The following CFLAR variants were observed in gnomAD, a reference collection of about 807,000 sequenced individuals.
The protein encoded by CFLAR is CASP8 and FADD-like apoptosis regulator.
A neutral mutation model predicts 51.1 loss-of-function variants in CFLAR; 14 were observed. The observed-to-expected ratio is 0.27, with a 90% CI of 0.18 to 0.43. The LOEUF (loss-of-function observed/expected upper bound fraction) is 0.43, where lower values mean the gene tolerates loss of function less well. Among genes scored for constraint, CFLAR ranks in the 20% least tolerant of loss-of-function variants. The pLI is 1.00. For synonymous variants in CFLAR, 210 were observed against 211.6 expected, an observed-to-expected ratio of 0.99 and a Z score of 0.06; for missense variants, 390 against 566.5, an observed-to-expected ratio of 0.69 and a Z score of 3.16.
chr2:201,132,824 G>A (rs573004099), intron 2 of CFLAR: 9 of 417,916 alleles, frequency 2.2e-5, no homozygotes, highest in Admixed American at 8.1e-5. Flanking sequence ...CCTATTAAAC[G>A]GGCAAGGACA....
chr2:201,146,911 A>G (rs1044075193), intron 6 of CFLAR, among the ~76,000 whole-genome samples: 9 of 152,216 alleles, frequency 5.9e-5, no homozygotes, highest in East Asian at 1.9e-4. Context: ...CATGTCTGTC[A>G]TTCTCTACCT....
At chr2:201,158,809 G>A (rs1199794116) in intron 8 of CFLAR, among the ~76,000 whole-genome samples, 2 of 151,564 alleles carry the variant, frequency 1.3e-5, no homozygotes, top group African/African-American at 4.8e-5. Context: ...TTACAGTCCT[G>A]ATAACAGCTA....
At chr2:201,151,727 A>C (rs893574242) in intron 8 of CFLAR, among the ~76,000 whole-genome samples, 3 of 144,786 alleles carry the variant, frequency 2.1e-5, no homozygotes, top group African/African-American at 8.0e-5. Context: ...GAGAATCATA[A>C]AAAAAAAAAA....
At chr2:201,147,233 G>T (rs1042987975) in intron 6 of CFLAR, among the ~76,000 whole-genome samples, 1 of 152,012 alleles carries the variant, frequency 6.6e-6, no homozygotes, top group African/African-American at 2.4e-5. Context: ...GCTAATAAAA[G>T]AAAAAGGTTT....
chr2:201,126,334 G>A (rs1042549420), intron 1 of CFLAR, among the ~76,000 whole-genome samples: 1 of 152,156 alleles, frequency 6.6e-6, no homozygotes, highest in African/African-American at 2.4e-5. Context: ...GGCTTTGGGC[G>A]TTATCAATCT....
In CFLAR at chr2:201,138,829, C is replaced by T. The variant is rs1446991656; in HGVS notation, c.524-1528C>T. 1.1e-5 allele frequency: 8 copies of T among 740,480 alleles called. 1 individual carries two copies. Among genetic ancestry groups the T allele is most frequent in the South Asian group, 5.4e-5 (4 of 74,324 alleles). The allele number at this position is 740,480 out of a possible 1,614,324, so 45.9% of individuals were successfully genotyped here. On this transcript the variant is annotated intron_variant, in intron 4 of 9. Coordinates refer to ENST00000309955, the MANE Select transcript of CFLAR (RefSeq NM_003879.7). The surrounding 1 kb of genome is among the most constrained non-coding windows in gnomAD (Gnocchi z 4.0). ...ATCAGAGCCATCACGATGGCCAGGT[C>T]GGCCTCTGTCACAGTGTCCATGGGG...
chr2:201,145,130 G>A (rs909823155), intron 5 of CFLAR, among the ~76,000 whole-genome samples: 1 of 152,186 alleles, frequency 6.6e-6, no homozygotes, highest in African/African-American at 2.4e-5. Flanking sequence ...TGGGATTACA[G>A]GTGTCAGCCA....
rs182188406 is a variant in CFLAR at position 201,162,023 on chromosome 2, C to T, written c.1304+1081C>T. Among the ~76,000 whole-genome samples, 505 of 152,214 alleles carry T rather than the reference C, an allele frequency of 3.3e-3. 2 individuals carry two copies. Among genetic ancestry groups the T allele is most frequent in the African/African-American group, 0.011 (461 of 41,528 alleles). On this transcript the variant is annotated intron_variant, in intron 9 of 9. Coordinates refer to ENST00000309955, the MANE Select transcript of CFLAR (RefSeq NM_003879.7). ...TCGGCCTGCCAAAGTGCTGGGATTA[C>T]AGGCATGAGCCACCATGCTCAGCCA...
At chr2:201,127,087 C>T (rs1037518348) in intron 1 of CFLAR, among the ~76,000 whole-genome samples, 2 of 146,064 alleles carry the variant, frequency 1.4e-5, no homozygotes, top group African/African-American at 5.2e-5. Context: ...CTAGAAAACA[C>T]ACACAGGTGC....
At position 201,138,265 on chromosome 2, in the gene CFLAR, T is replaced by C. The variant is rs2125733231; in HGVS notation, c.524-2092T>C. 1.2e-6 allele frequency: 1 copy of C among 814,534 alleles called. No homozygotes were observed. The highest frequency in any genetic ancestry group is 2.2e-6 in the Non-Finnish European group (1 of 454,966). The allele number at this position is 814,534 out of a possible 1,614,324, so 50.5% of individuals were successfully genotyped here. ...AGTCCAAGCCTATGACATTGACGCCTACCTGGGTGAGCAGGTCCAGGTGGT... is the reference window on the plus strand; with the variant it reads ...AGTCCAAGCCTATGACATTGACGCCCACCTGGGTGAGCAGGTCCAGGTGGT... On this transcript the variant is annotated intron_variant, in intron 4 of 9. Coordinates refer to ENST00000309955, the MANE Select transcript of CFLAR (RefSeq NM_003879.7). This position sits in a 1 kb window ranked among gnomAD's most constrained non-coding sequence, Gnocchi z 4.0.
At chr2:201,151,482 A>T (rs1342515510) in intron 8 of CFLAR, among the ~76,000 whole-genome samples, 2 of 152,220 alleles carry the variant, frequency 1.3e-5, no homozygotes, top group Non-Finnish European at 2.9e-5. Context: ...CAAATATAAT[A>T]CTAAATTTTC....
At chr2:201,156,047 C>A (rs1942125744) in intron 8 of CFLAR, among the ~76,000 whole-genome samples, 1 of 152,194 alleles carries the variant, frequency 6.6e-6, no homozygotes, top group Non-Finnish European at 1.5e-5. Flanking sequence ...CCATGAGCCA[C>A]CACGTAATCT....
Position 201,169,214 on chromosome 2 carries a change from C to T in CFLAR, c.*5241C>T, listed in dbSNP as rs1012567376. ...TCACACTACCCAACTTCAAAGTATA[C>T]TGCAAGGCTACAGTAGCCAAAATGG... is the stretch of plus-strand genomic sequence containing the variant. On this transcript the variant is annotated 3_prime_UTR_variant, in exon 10 of 10. Transcript: ENST00000309955. The T allele has an allele frequency of 6.6e-6, 1 of 152,158 alleles. No homozygotes were observed. The highest frequency in any genetic ancestry group is 2.4e-5 in the African/African-American group (1 of 41,436). The allele number at this position is 152,158 out of a possible 1,614,324, so 9.4% of individuals were successfully genotyped here.
chr2:201,139,541 CTGA>C (rs1368403213), intron 4 of CFLAR: 1 of 154,006 alleles, frequency 6.5e-6, no homozygotes, highest in African/African-American at 2.4e-5. Flanking sequence ...GGTGTAAAAC[CTGA>C]TTGTATGTTC....
chr2:201,162,291 A>G (rs1008762713), intron 9 of CFLAR, among the ~76,000 whole-genome samples: 1 of 150,736 alleles, frequency 6.6e-6, no homozygotes, highest in Non-Finnish European at 1.5e-5. Flanking sequence ...TTTAGTAGAG[A>G]TGGGGTTTCA....
In CFLAR at chr2:201,164,577, A is replaced by T. The variant is rs1007339717; in HGVS notation, c.*604A>T. 6.6e-6 allele frequency: 1 copy of T among 152,226 alleles called. No homozygotes were observed. Among genetic ancestry groups the T allele is most frequent in the Non-Finnish European group, 1.5e-5 (1 of 68,044 alleles). The allele number at this position is 152,226 out of a possible 1,614,324, so 9.4% of individuals were successfully genotyped here. On this transcript the variant is annotated 3_prime_UTR_variant, in exon 10 of 10. Coordinates refer to ENST00000309955, the MANE Select transcript of CFLAR (RefSeq NM_003879.7). ...GTCTTTCCATGTTTTGCCTGCTTTT[A>T]TTCTGGCAGTGCTGGCAGCTGATTA...
In CFLAR at chr2:201,138,739, C is replaced by T; in HGVS notation, c.524-1618C>T. The T allele has an allele frequency of 1.3e-6, 1 of 777,676 alleles. No individual in the cohort carries two copies. The highest frequency in any genetic ancestry group is 2.3e-6 in the Non-Finnish European group (1 of 427,186). The allele number at this position is 777,676 out of a possible 1,614,324, so 48.2% of individuals were successfully genotyped here. ...ATAAAGCCCGGTTCAAACTTCTTGA[C>T]CTTCTGCACCTCACTGGCCTGGAAC... On this transcript the variant is annotated intron_variant, in intron 4 of 9. Transcript: ENST00000309955. This position sits in a 1 kb window ranked among gnomAD's most constrained non-coding sequence, Gnocchi z 4.0.
rs183940268 is a variant in CFLAR, at chr2:201,166,525, G to A, written c.*2552G>A. On this transcript the variant is annotated 3_prime_UTR_variant, in exon 10 of 10. Transcript: ENST00000309955. ...GCTCCCCACATCTCAGACGATGGGC[G>A]GCCGGGCAGAGACGCTCCTCACTTC... 9.3e-5 allele frequency: 17 copies of A among 183,538 alleles called. No individual in the cohort carries two copies. Among genetic ancestry groups the A allele is most frequent in the Non-Finnish European group, 2.0e-4 (17 of 86,500 alleles). 11.4% of individuals were successfully genotyped at this position (183,538 alleles called of 1,614,324 possible). A position where few individuals can be genotyped will look rare whatever the true frequency, so the allele number is the denominator to read the frequency against.
chr2:201,153,826 G>C (rs2125883168), intron 8 of CFLAR, among the ~76,000 whole-genome samples: 1 of 151,632 alleles, frequency 6.6e-6, no homozygotes, highest in South Asian at 2.1e-4. Flanking sequence ...CCATAATATA[G>C]GTACTATTCT....
Sources: allele counts gnomAD v4.1 joint callset (sites outside exome capture counted in the v4.1 genomes callset), GRCh38; gene constraint gnomAD v4.1.1; non-coding constraint Gnocchi (gnomAD v3.1); transcripts MANE v1.5; gene names NCBI Gene and HGNC (gene_info 2026-07-23, HGNC 2026-07-21).